Variants in MCF2L observed in about 807,000 individuals in gnomAD.
MCF2L encodes guanine nucleotide exchange factor DBS.
Under a neutral mutation model 153.4 loss-of-function variants are expected in MCF2L, and 97 were observed. That is an observed-to-expected ratio of 0.63 (90% CI 0.54 to 0.75). The LOEUF is 0.75. Ranked by LOEUF, MCF2L falls within the 30% of genes least tolerant of loss-of-function variation. MCF2L has a pLI of 0.00. For synonymous variants in MCF2L, 659 were observed against 632.2 expected, an observed-to-expected ratio of 1.04 and a Z score of -0.64; for missense variants, 1,347 against 1,495.2, an observed-to-expected ratio of 0.90 and a Z score of 1.64.
At chr13:113,055,715 C>T (rs560120369) in intron 4 of MCF2L, among the ~76,000 whole-genome samples, 2 of 152,344 alleles carry the variant, frequency 1.3e-5, no homozygotes, top group South Asian at 4.1e-4. Flanking sequence ...GGATCACACT[C>T]CTGGCAGATG....
chr13:113,096,257 C>A (rs1595050544), intron 27 of MCF2L, 114 bp from the exon 28 acceptor site: 2 of 797,474 alleles, frequency 2.5e-6, no homozygotes, highest in Non-Finnish European at 4.1e-6. Context: ...CTGGTCGTGG[C>A]CAGGAGCTCC....
chr13:112,926,281 C>T (rs921137186), intron 2 of MCF2L, among the ~76,000 whole-genome samples: 3 of 104,164 alleles, frequency 2.9e-5, no homozygotes, highest in Admixed American at 9.6e-5. Flanking sequence ...ATATACACAG[C>T]GGAGTGCTGC....
chr13:112,919,971 G>A (rs905254128), intron 2 of MCF2L, among the ~76,000 whole-genome samples: 4 of 152,124 alleles, frequency 2.6e-5, no homozygotes, highest in African/African-American at 9.7e-5. Flanking sequence ...TTTTCTTATG[G>A]TAGCGAGGCA....
At position 113,064,941 on chromosome 13, in the gene MCF2L, C is replaced by G. The variant is rs759707293; in HGVS notation, c.612C>G (p.Ile204Met). ...GTGTTTTCTCTGTCCCCAAGGCCAT[C>G]GAAAGTTTCGCCCTCATGGTGAAGC... ...HSRWLCQRTA[I>M]ESFALMVKQT... is the part of the protein sequence containing the mutation. Residue 204 changes from isoleucine (I) to methionine (M), a missense_variant, in exon 7 of 30, where the codon ATC becomes ATG. Ile to Met is a conservative substitution (Grantham distance 10). Coordinates refer to ENST00000535094, the MANE Select transcript of MCF2L (RefSeq NM_001112732.3). The surrounding 1 kb of genome is among the most constrained non-coding windows in gnomAD (Gnocchi z 6.0). The G allele has an allele frequency of 6.2e-7, 1 of 1,612,204 alleles. No homozygotes were observed. Among genetic ancestry groups the G allele is most frequent in the South Asian group, 1.1e-5 (1 of 90,988 alleles).
chr13:112,979,683 G>A, intron 1 of MCF2L: 1 of 1,612,992 alleles, frequency 6.2e-7, no homozygotes, highest in South Asian at 1.1e-5. Flanking sequence ...CGAGAAGGGA[G>A]CATCCCGGGG....
intron 2 of MCF2L, chr13:112,917,325 C>T (rs1398312888): frequency 2.7e-6 from 1 of 372,706 alleles, no homozygotes; most frequent in Non-Finnish European, 5.3e-6. Flanking sequence ...TTCCTTTGGC[C>T]AGAAACCCCA....
intron 2 of MCF2L, among the ~76,000 whole-genome samples, chr13:112,919,355 G>A (rs1018420258): frequency 4.6e-5 from 7 of 151,074 alleles, no homozygotes; most frequent in Admixed American, 1.3e-4. Context: ...ACAGGCGCCC[G>A]CCACTACGCC....
At position 112,990,162 on chromosome 13, in the gene MCF2L, G is replaced by A. The variant is rs551670844; in HGVS notation, c.79+20704G>A. ...TGGCTCGGGGCTTGCAGACCCCTGTGTTAAACCATTCAGATCTGTGGGAAC... is the reference window on the plus strand; with the variant it reads ...TGGCTCGGGGCTTGCAGACCCCTGTATTAAACCATTCAGATCTGTGGGAAC... On this transcript the variant is annotated intron_variant, in intron 1 of 29. Coordinates refer to ENST00000535094, the MANE Select transcript of MCF2L (RefSeq NM_001112732.3). Among the ~76,000 whole-genome samples, 5 of 152,304 alleles carry A rather than the reference G, an allele frequency of 3.3e-5. No individual in the cohort carries two copies. In the South Asian group the frequency reaches 1.0e-3, roughly 32 times the overall value.
intron 2 of MCF2L, among the ~76,000 whole-genome samples, chr13:112,908,372 T>A (rs891056551): frequency 2.0e-5 from 3 of 152,226 alleles, no homozygotes; most frequent in African/African-American, 7.2e-5. Flanking sequence ...GTATTTTTCA[T>A]CTTTTAATTA....
chr13:112,898,346 C>T (rs1005777325), intron 1 of MCF2L, among the ~76,000 whole-genome samples: 6 of 152,202 alleles, frequency 3.9e-5, no homozygotes, highest in Admixed American at 6.5e-5. Context: ...GGTTGCGGGG[C>T]GTGAGGTGGG....
chr13:113,013,704 C>T (rs1458798122), intron 1 of MCF2L, among the ~76,000 whole-genome samples: 2 of 152,234 alleles, frequency 1.3e-5, no homozygotes, highest in Admixed American at 6.5e-5. Context: ...CAGCGTGAGT[C>T]CTGCATCTTT....
intron 2 of MCF2L, among the ~76,000 whole-genome samples, chr13:112,963,727 A>T (rs2081860304): frequency 6.6e-6 from 1 of 152,196 alleles, no homozygotes; most frequent in Non-Finnish European, 1.5e-5. Context: ...ATGAGCTCAG[A>T]TGGAGTCGCC....
At position 113,031,106 on chromosome 13, in the gene MCF2L, G is replaced by GAC. The variant is rs2085670739; in HGVS notation, c.278+6349_278+6350insCA. 6.6e-6 allele frequency among the ~76,000 whole-genome samples: 1 copy of GAC among 151,398 alleles called. No homozygotes were observed. The highest frequency in any genetic ancestry group is 1.5e-5 in the Non-Finnish European group (1 of 67,924). On this transcript the variant is annotated intron_variant, in intron 3 of 29. Coordinates refer to ENST00000535094, the MANE Select transcript of MCF2L (RefSeq NM_001112732.3). This position sits in a 1 kb window ranked among gnomAD's most constrained non-coding sequence, Gnocchi z 5.5. ...ATACAGACAGAGACAGAGACAGAGA[G>GAC]AGACAGAGACAGAGAGTGACAGAGA...
chr13:113,096,815 T>C lies in MCF2L; in HGVS notation c.3334T>C (p.Cys1112Arg). 6.5e-7 allele frequency: 1 copy of C among 1,543,560 alleles called. No homozygotes were observed. The highest frequency in any genetic ancestry group is 8.7e-7 in the Non-Finnish European group (1 of 1,155,234). Residue 1112 changes from cysteine (C) to arginine (R), a missense_variant, in exon 30 of 30, where the codon TGC (cysteine) becomes CGC (arginine). Cys to Arg is a radical substitution (Grantham distance 180). This residue lies in a region of MCF2L where 383 missense variants were observed against 335.4 expected (regional missense o/e 1.14). Coordinates refer to ENST00000535094, the MANE Select transcript of MCF2L (RefSeq NM_001112732.3). ...GSAVLSNSSS[C>R]SEGGQAPFSD... Reference sequence around the variant, plus strand: ...GGCCGTGCTGAGCAACTCGTCCAGCTGCAGCGAGGGCGGCCAGGCCCCCTT... The same window carrying C: ...GGCCGTGCTGAGCAACTCGTCCAGCCGCAGCGAGGGCGGCCAGGCCCCCTT...
rs145962928 is a variant in MCF2L at position 113,036,658 on chromosome 13, C to T, written c.279-8613C>T. 4.7e-4 allele frequency among the ~76,000 whole-genome samples: 71 copies of T among 152,368 alleles called. No individual in the cohort carries two copies. The East Asian group carries it at 0.013, about 27-fold the overall frequency. ...TCCCCAGGAGTGCGTGTGTCGCAGG[C>T]GACCCTGTCCTCTCACCCAGGAGCC... On this transcript the variant is annotated intron_variant, in intron 3 of 29. Transcript: ENST00000535094.
At chr13:112,977,112 C>T (rs7333114) in intron 1 of MCF2L, among the ~76,000 whole-genome samples, 40,387 of 152,124 alleles carry the variant, frequency 0.27, 6,256 homozygotes, top group Non-Finnish European at 0.35. Context: ...CATTTAAGAC[C>T]GGCCCTAAAC....
At chr13:113,081,972 A>G (rs998192907) in intron 16 of MCF2L, among the ~76,000 whole-genome samples, 1 of 148,508 alleles carries the variant, frequency 6.7e-6, no homozygotes, top group Middle Eastern at 3.3e-3. Context: ...TGCACATGTG[A>G]TCACCTGAGT....
chr13:112,910,930 G>A (rs2081224268), intron 2 of MCF2L, among the ~76,000 whole-genome samples: 1 of 139,684 alleles, frequency 7.2e-6, no homozygotes, highest in African/African-American at 2.6e-5. Context: ...GCACCTTGGA[G>A]AAACAGCTGC....
rs2086104649 is a variant in MCF2L at position 113,035,569 on chromosome 13, CCTTTTTCTTCCATG to C, written c.279-9701_279-9688del. 6.6e-6 allele frequency among the ~76,000 whole-genome samples: 1 copy of C among 152,212 alleles called. No individual in the cohort carries two copies. The highest frequency in any genetic ancestry group is 1.5e-5 in the Non-Finnish European group (1 of 68,042). On this transcript the variant is annotated intron_variant, in intron 3 of 29. Coordinates refer to ENST00000535094, the MANE Select transcript of MCF2L (RefSeq NM_001112732.3). This position sits in a 1 kb window ranked among gnomAD's most constrained non-coding sequence, Gnocchi z 4.4. ...CCCTCCCTGGCTCCTTCGCCTGCTG[CCTTTTTCTTCCATG>C]AGGATGCGGTTCCCGTGTCCCCCAG...
Sources: gnomAD v4.1 joint callset for allele counts (sites outside exome capture counted in the v4.1 genomes callset) on GRCh38, gnomAD v4.1.1 for gene constraint, gnomAD v4.1.1 regional missense constraint, Gnocchi (gnomAD v3.1) non-coding constraint, MANE v1.5 for transcripts, NCBI Gene and HGNC (gene_info 2026-07-23, HGNC 2026-07-21) for gene names.